Variants in SREBF2 observed in about 807,000 individuals in gnomAD.
SREBF2 encodes the protein sterol regulatory element-binding protein 2.
SREBF2 carries 55 observed loss-of-function variants against 113.1 expected under a neutral mutation model. The observed-to-expected ratio is 0.49, with a 90% CI of 0.39 to 0.61. The LOEUF (loss-of-function observed/expected upper bound fraction) is 0.61. Ranked by LOEUF, SREBF2 falls within the 20% of genes least tolerant of loss-of-function variation. The probability of loss-of-function intolerance (pLI) is 0.00; values close to 1 mark genes in which losing one functional copy is unlikely to be tolerated. For missense variants in SREBF2, 1,349 were observed against 1,487.4 expected (o/e 0.91, Z 1.53); for synonymous variants, 593 against 605.7 (o/e 0.98, Z 0.31).
At position 41,902,035 on chromosome 22, in the gene SREBF2, A is replaced by G. The variant is rs184434768; in HGVS notation, c.2908-935A>G. ...GGGATCCTTTTCCACATCCCCTTGA[A>G]GCACACAACAGCCAGAAAACAGTGT... On this transcript the variant is annotated intron_variant, in intron 16 of 18. Transcript: ENST00000361204. Among the ~76,000 whole-genome samples the G allele has an allele frequency of 2.6e-5, 4 of 152,344 alleles. No homozygotes were observed. In the East Asian group the frequency reaches 7.7e-4, roughly 29 times the overall value.
At chr22:41,888,369 G>A (rs1299088987) in intron 11 of SREBF2, among the ~76,000 whole-genome samples, 3 of 152,152 alleles carry the variant, frequency 2.0e-5, no homozygotes, top group Non-Finnish European at 4.4e-5. Flanking sequence ...TCTACCTGAC[G>A]CAGAACCTGT....
At chr22:41,873,586 C>G in intron 4 of SREBF2, 1 of 596,458 alleles carries the variant, frequency 1.7e-6, no homozygotes, top group Non-Finnish European at 3.0e-6. Flanking sequence ...TGTAGTTTAT[C>G]AGCAGTGATT....
At chr22:41,905,272 C>G (rs1437340295) in intron 18 of SREBF2, among the ~76,000 whole-genome samples, 168 bp from the exon 19 acceptor site, 2 of 152,216 alleles carry the variant, frequency 1.3e-5, no homozygotes, top group Non-Finnish European at 2.9e-5. Context: ...CACGGGCTGG[C>G]CGTGAGAGGC....
intron 1 of SREBF2, among the ~76,000 whole-genome samples, chr22:41,851,036 C>T (rs2076924622): frequency 6.6e-6 from 1 of 152,138 alleles, no homozygotes; most frequent in Non-Finnish European, 1.5e-5. Context: ...CCACCAAGCC[C>T]GGCCAGTTTC....
chr22:41,896,318 A>T (rs2077416434), intron 13 of SREBF2, among the ~76,000 whole-genome samples: 1 of 152,116 alleles, frequency 6.6e-6, no homozygotes, highest in Admixed American at 6.6e-5. Context: ...TGAGAGGCAG[A>T]TAGGTGCCAA....
chr22:41,893,432 A>T, intron 12 of SREBF2, 147 bp downstream of exon 12: 1 of 946,538 alleles, frequency 1.1e-6, no homozygotes, highest in Non-Finnish European at 1.6e-6. Context: ...GTTTGTTTGA[A>T]CCAAAGCTCA....
chr22:41,841,431 T>C (rs2076829659), intron 1 of SREBF2, among the ~76,000 whole-genome samples: 1 of 152,216 alleles, frequency 6.6e-6, no homozygotes, highest in Non-Finnish European at 1.5e-5. Flanking sequence ...GGATATGTTT[T>C]TGGAGGTTGC....
At position 41,905,562 on chromosome 22, in the gene SREBF2, G is replaced by A; in HGVS notation, c.3328G>A (p.Ala1110Thr). The A allele has an allele frequency of 6.3e-7, 1 of 1,595,558 alleles. No homozygotes were observed. The highest frequency in any genetic ancestry group is 1.7e-5 in the Admixed American group (1 of 57,770). The change falls in exon 19 of 19, where the codon GCC becomes ACC. Residue 1110 changes from alanine to threonine, a missense_variant. Ala to Thr is a moderately conservative substitution (Grantham distance 58). This residue lies in a region of SREBF2 where 650 missense variants were observed against 644.1 expected (regional missense o/e 1.01). Transcript: ENST00000361204. The stretch of plus-strand genomic sequence containing the variant: ...GCGGGCAGTGCTGCTGGCCGAAGCT[G>A]CCCGCACCCTGGAGAAGGTGGGCGA... The part of the protein sequence containing the change: ...GQRAVLLAEA[A>T]RTLEKVGDRR...
rs201052593 is a variant in SREBF2 at position 41,877,463 on chromosome 22, A to T, written c.1579+42A>T. The T allele has an allele frequency of 8.8e-5, 142 of 1,605,402 alleles. No individual in the cohort carries two copies. The African/African-American group carries it at 1.6e-3, about 18-fold the overall frequency. On this transcript the variant is annotated intron_variant, in intron 8 of 18. Transcript: ENST00000361204. ...TGCCCCACCTGGGCATGGCTGGACC[A>T]CTATGGCAGGAGAAGGACCCTGTGT...
At chr22:41,838,496 G>A (rs1306858848) in intron 1 of SREBF2, among the ~76,000 whole-genome samples, 1 of 152,142 alleles carries the variant, frequency 6.6e-6, no homozygotes, top group Admixed American at 6.5e-5. Flanking sequence ...ATTTTGGTAG[G>A]CCGAGGAGGG....
intron 4 of SREBF2, among the ~76,000 whole-genome samples, chr22:41,872,776 A>G (rs2077158411): frequency 6.6e-6 from 1 of 152,036 alleles, no homozygotes; most frequent in African/African-American, 2.4e-5. Context: ...CTGTATTCCC[A>G]GCTACTCAGG....
intron 1 of SREBF2, among the ~76,000 whole-genome samples, chr22:41,852,919 TTTTTA>T (rs1435553671): frequency 6.6e-6 from 1 of 151,998 alleles, no homozygotes; most frequent in Non-Finnish European, 1.5e-5. Flanking sequence ...CCAGCTAATT[TTTTTA>T]TTTTTAGTAG....
chr22:41,891,901 ACG>A (rs2077366711), intron 11 of SREBF2, among the ~76,000 whole-genome samples: 3 of 152,148 alleles, frequency 2.0e-5, no homozygotes, highest in African/African-American at 7.2e-5. Flanking sequence ...AGAACTGAAA[ACG>A]TGGTAGATGG....
At chr22:41,885,131 A>G in intron 11 of SREBF2, 120 bp downstream of exon 11, 2 of 1,212,792 alleles carry the variant, frequency 1.6e-6, no homozygotes, top group Admixed American at 2.0e-5. Flanking sequence ...CTGGAGGGGT[A>G]GGCAGGCATT....
intron 5 of SREBF2, among the ~76,000 whole-genome samples, chr22:41,874,685 A>G (rs1393919579): frequency 1.3e-5 from 2 of 152,332 alleles, no homozygotes; most frequent in Admixed American, 1.3e-4. Context: ...AGGCGGGTGG[A>G]TCACGAGGCC....
Position 41,893,367 on chromosome 22 carries a change from G to A in SREBF2, c.2377+82G>A, listed in dbSNP as rs923094695. 47 of 1,434,182 alleles carry A rather than the reference G, an allele frequency of 3.3e-5. 1 individual carries two copies. Among genetic ancestry groups the A allele is most frequent in the Middle Eastern group, 1.8e-4 (1 of 5,446 alleles). 88.8% of individuals were successfully genotyped at this position (1,434,182 alleles called of 1,614,324 possible). A position where few individuals can be genotyped will look rare whatever the true frequency, so the allele number is the denominator to read the frequency against. ...TACAGAGTCACTGCACCAGACACGC[G>A]GAGACACGGGTTGTCTCTTAATCTT... On this transcript the variant is annotated intron_variant, in intron 12 of 18. Coordinates refer to ENST00000361204, the MANE Select transcript of SREBF2 (RefSeq NM_004599.4).
intron 10 of SREBF2, among the ~76,000 whole-genome samples, chr22:41,884,057 A>G (rs1424412195): frequency 7.7e-6 from 1 of 130,300 alleles, no homozygotes; most frequent in South Asian, 2.3e-4. Context: ...CTAACCCAAC[A>G]TGTGTTCAGC....
At chr22:41,877,466 A>C in intron 8 of SREBF2, 45 bp downstream of exon 8, 1 of 1,601,588 alleles carries the variant, frequency 6.2e-7, no homozygotes, top group Non-Finnish European at 8.5e-7. Context: ...CTGGACCACT[A>C]TGGCAGGAGA....
At chr22:41,861,351 A>G (rs2077025624) in intron 1 of SREBF2, among the ~76,000 whole-genome samples, 1 of 152,060 alleles carries the variant, frequency 6.6e-6, no homozygotes, top group East Asian at 1.9e-4. Context: ...GCATGGTGGC[A>G]CGCACCTGTA....
Sources: gnomAD v4.1 joint callset for allele counts (sites outside exome capture counted in the v4.1 genomes callset) on GRCh38, gnomAD v4.1.1 for gene constraint, gnomAD v4.1.1 regional missense constraint, MANE v1.5 for transcripts, NCBI Gene and HGNC (gene_info 2026-07-23, HGNC 2026-07-21) for gene names.